LAMA5: variants seen among roughly 807,000 people sequenced by gnomAD.
LAMA5 encodes laminin subunit alpha-5.
A neutral mutation model predicts 433.4 loss-of-function variants in LAMA5; 260 were observed. The observed-to-expected ratio is 0.60, with a 90% CI of 0.54 to 0.66. LAMA5 has a LOEUF of 0.66. Among genes scored for constraint, LAMA5 ranks in the 30% least tolerant of loss-of-function variants. LAMA5 has a pLI of 0.00. For missense variants in LAMA5, 5,378 were observed against 5,258.5 expected (o/e 1.02, Z -0.70); for synonymous variants, 2,620 against 2,226.6 (o/e 1.18, Z -4.97).
Position 62,363,145 on chromosome 20 carries a change from C to A in LAMA5, c.298-593G>T, listed in dbSNP as rs564657207. Among the ~76,000 whole-genome samples the A allele has an allele frequency of 4.1e-3, 625 of 152,184 alleles. 4 individuals are homozygous for A. Among genetic ancestry groups the A allele is most frequent in the African/African-American group, 0.014 (594 of 41,534 alleles). On this transcript the variant is annotated intron_variant, in intron 1 of 79. Transcript: ENST00000252999. ...GGATCCAGGCGGCCAGACCCCCCCC[C>A]ACCTCCAGATCTTGCCCACAGCCTT...
intron 48 of LAMA5, among the ~76,000 whole-genome samples, chr20:62,321,367 T>G (rs992150222): frequency 4.9e-4 from 3 of 6,118 alleles, no homozygotes; most frequent in Non-Finnish European, 5.4e-4. Flanking sequence ...CCAGTGGGGG[T>G]GGGGTCAGTG....
In LAMA5 at chr20:62,352,356, G is replaced by A. The variant is rs624313; in HGVS notation, c.573C>T (p.Ser191=). The A allele has an allele frequency of 0.65, 1,031,232 of 1,597,574 alleles. 342,679 individuals are homozygous for A. Among genetic ancestry groups the A allele is most frequent in the East Asian group, 0.78 (34,728 of 44,784 alleles). The change falls in exon 4 of 80, where the codon TCC becomes TCT. Residue 191 remains serine (S), a synonymous_variant. Coordinates refer to ENST00000252999, the MANE Select transcript of LAMA5 (RefSeq NM_005560.6). Reference sequence around the variant, plus strand: ...CGAACCGCTCCAGACAGTCCCTCTTGGAGGCTGCGGGGAATGGCGGGAGGG... The same window carrying A: ...CGAACCGCTCCAGACAGTCCCTCTTAGAGGCTGCGGGGAATGGCGGGAGGG... The part of the protein sequence containing the change: ...TYQPWQFFAS[S]KRDCLERFGP...
chr20:62,364,899 G>A (rs1485060050), intron 1 of LAMA5, among the ~76,000 whole-genome samples: 1 of 152,276 alleles, frequency 6.6e-6, no homozygotes, highest in East Asian at 1.9e-4. Flanking sequence ...CCCCTCAGAT[G>A]GAGCTGCGGC....
chr20:62,324,389 G>A lies in LAMA5; in HGVS notation c.5643+52C>T, dbSNP rs952647578. 2.7e-6 allele frequency: 4 copies of A among 1,473,370 alleles called. No homozygotes were observed. Among genetic ancestry groups the A allele is most frequent in the Admixed American group, 1.8e-5 (1 of 54,978 alleles). The allele number at this position is 1,473,370 out of a possible 1,614,324, so 91.3% of individuals were successfully genotyped here. Reference sequence around the variant, plus strand: ...GCCCCTGGTCTTCCCTGGCACACTTGACTGTGCCTTCAGTGAATGCTGCCC... The same window carrying A: ...GCCCCTGGTCTTCCCTGGCACACTTAACTGTGCCTTCAGTGAATGCTGCCC... On this transcript the variant is annotated intron_variant, in intron 42 of 79. Coordinates refer to ENST00000252999, the MANE Select transcript of LAMA5 (RefSeq NM_005560.6). This position sits in a 1 kb window ranked among gnomAD's most constrained non-coding sequence, Gnocchi z 4.4.
intron 2 of LAMA5, among the ~76,000 whole-genome samples, chr20:62,357,480 T>C (rs942653878): frequency 2.6e-5 from 4 of 151,882 alleles, no homozygotes; most frequent in African/African-American, 9.7e-5. Flanking sequence ...TCTGGAAACG[T>C]AGATAAGCCC....
At chr20:62,317,634 G>A (rs1438756611) in intron 54 of LAMA5, 28 bp downstream of exon 54, 3 of 1,528,634 alleles carry the variant, frequency 2.0e-6, no homozygotes, top group Non-Finnish European at 2.7e-6. Flanking sequence ...TGGATGGGGT[G>A]GCGACAGGGG....
chr20:62,327,967 GAGAGCAGGTATCAC>G lies in LAMA5; in HGVS notation c.4682_4695del (p.Cys1561SerfsTer13). 6.2e-7 allele frequency: 1 copy of G among 1,612,462 alleles called. No individual in the cohort carries two copies. Among genetic ancestry groups the G allele is most frequent in the Non-Finnish European group, 8.5e-7 (1 of 1,179,900 alleles). ...CAGCGGGGGTAGCCATGGAAGCCCG[GAGAGCAGGTATCAC>G]AGCGGCGCCCAGTCACGTTGGGTCT... On this transcript the variant is annotated frameshift_variant, in exon 36 of 80. Transcript: ENST00000252999. LOFTEE classifies it high-confidence loss of function.
intron 45 of LAMA5, 122 bp from the exon 46 acceptor site, chr20:62,322,880 A>AC: frequency 1.6e-6 from 1 of 613,618 alleles, no homozygotes; most frequent in East Asian, 3.2e-5. Flanking sequence ...CGCCCGGACC[A>AC]CCCGGCTACC....
rs756910333 is a variant in LAMA5 at position 62,312,269 on chromosome 20, C to T, written c.9408G>A (p.Ala3136=). The T allele has an allele frequency of 2.5e-5, 40 of 1,611,030 alleles. No homozygotes were observed. The highest frequency in any genetic ancestry group is 3.3e-4 in the Middle Eastern group (2 of 6,078). ...CAGTGAGCGGTGCCACGTTCGAGAG[C>T]GCCAGGCGAAGGAAGCCGTGGCCAT... ...TFHGHGFLRL[A]LSNVAPLTGN... is the part of the protein sequence containing the mutation. The change falls in exon 69 of 80, where the codon GCG becomes GCA. Residue 3136 remains alanine (A), a synonymous_variant. Coordinates refer to ENST00000252999, the MANE Select transcript of LAMA5 (RefSeq NM_005560.6).
chr20:62,365,944 A>C (rs1986676102), intron 1 of LAMA5, among the ~76,000 whole-genome samples: 1 of 152,114 alleles, frequency 6.6e-6, no homozygotes, highest in African/African-American at 2.4e-5. Flanking sequence ...TCCTCCATTC[A>C]TCCCCATAAC....
intron 2 of LAMA5, among the ~76,000 whole-genome samples, chr20:62,356,919 C>G (rs192570039): frequency 6.6e-6 from 1 of 152,368 alleles, no homozygotes; most frequent in African/African-American, 2.4e-5. Context: ...AGCTGCCCCA[C>G]TCACTGGCGC....
chr20:62,325,536 C>T lies in LAMA5; in HGVS notation c.5309G>A (p.Arg1770Gln), dbSNP rs749725070. ...CACAGTGTTGCGCGTCTCCGTATGC[C>T]GGAAGTTCCCCTGTGGGTCCAGGAT... ...GQLQLVEGNF[R>Q]HTETRNTVSR... The change falls in exon 41 of 80, where the codon CGG (arginine) becomes CAG (glutamine). Residue 1770 changes from arginine to glutamine, a missense_variant. Coordinates refer to ENST00000252999, the MANE Select transcript of LAMA5 (RefSeq NM_005560.6). 50 of 1,606,338 alleles carry T rather than the reference C, an allele frequency of 3.1e-5. No homozygotes were observed. The highest frequency in any genetic ancestry group is 1.0e-4 in the Admixed American group (6 of 59,606).
rs1243334928 is a variant in LAMA5 at position 62,317,103 on chromosome 20, C to T, written c.7512-80G>A. The T allele has an allele frequency of 4.9e-6, 7 of 1,433,660 alleles. No homozygotes were observed. In the East Asian group the frequency reaches 1.2e-4, roughly 25 times the overall value. 88.8% of individuals were successfully genotyped at this position (1,433,660 alleles called of 1,614,324 possible). A position where few individuals can be genotyped will look rare whatever the true frequency, so the allele number is the denominator to read the frequency against. The stretch of plus-strand genomic sequence containing the variant: ...GCTCTCCAGCCTCCTGCGCTCACAA[C>T]CAGCCGTGCCCGTGCCTGCCCGCCA... On this transcript the variant is annotated intron_variant, in intron 55 of 79. Coordinates refer to ENST00000252999, the MANE Select transcript of LAMA5 (RefSeq NM_005560.6).
intron 2 of LAMA5, among the ~76,000 whole-genome samples, chr20:62,355,935 C>T (rs1601420020): frequency 6.6e-6 from 1 of 152,198 alleles, no homozygotes; most frequent in Non-Finnish European, 1.5e-5. Context: ...CCGACTGAGC[C>T]CCCTGGGAGC....
intron 2 of LAMA5, among the ~76,000 whole-genome samples, chr20:62,362,069 G>T (rs1299802719): frequency 6.6e-6 from 1 of 152,180 alleles, no homozygotes; most frequent in Admixed American, 6.5e-5. Context: ...GACGCAGGGG[G>T]CACCACCGCA....
chr20:62,329,922 CG>C lies in LAMA5; in HGVS notation c.3980-7del. On this transcript the variant is annotated splice_region_variant and splice_polypyrimidine_tract_variant and intron_variant, in intron 31 of 79. Transcript: ENST00000252999. Reference sequence around the variant, plus strand: ...GAAGCTGGCGTTGGCGTGGCCTGGGCGGGGGAGAAAGGCAGGGTCAGGCCCC... The same window carrying C: ...GAAGCTGGCGTTGGCGTGGCCTGGGCGGGGAGAAAGGCAGGGTCAGGCCCC... 1 of 1,610,110 alleles carries C rather than the reference CG, an allele frequency of 6.2e-7. No individual in the cohort carries two copies. Among genetic ancestry groups the C allele is most frequent in the Non-Finnish European group, 8.5e-7 (1 of 1,179,458 alleles).
chr20:62,348,989 G>A (rs1231733428), intron 6 of LAMA5, among the ~76,000 whole-genome samples: 2 of 152,140 alleles, frequency 1.3e-5, no homozygotes, highest in Non-Finnish European at 2.9e-5. Context: ...TGAACACATG[G>A]CCAGGCGCAG....
At chr20:62,351,355 T>A in intron 6 of LAMA5, 1 of 425,800 alleles carries the variant, frequency 2.3e-6, no homozygotes, top group Non-Finnish European at 4.3e-6. Context: ...GGATCAATCA[T>A]CCCCATTGCT....
Position 62,316,918 on chromosome 20 carries a change from A to G in LAMA5, c.7617T>C (p.Ala2539=). 4 of 1,548,214 alleles carry G rather than the reference A, an allele frequency of 2.6e-6. No individual in the cohort carries two copies. Among genetic ancestry groups the G allele is most frequent in the Non-Finnish European group, 3.5e-6 (4 of 1,144,958 alleles). ...GGTCCGCCTGCTGCAGGGCCTGGCC[A>G]GCAGCATCCTCGGCAGCCTGCACGG... The part of the protein sequence containing the change: ...LQAVQAAEDA[A]GQALQQADHT... Residue 2539 remains alanine (A), a synonymous_variant, in exon 56 of 80, where the codon GCT becomes GCC. Transcript: ENST00000252999.
Sources: allele counts gnomAD v4.1 joint callset (sites outside exome capture counted in the v4.1 genomes callset), GRCh38; gene constraint gnomAD v4.1.1; non-coding constraint Gnocchi (gnomAD v3.1); transcripts MANE v1.5; gene names NCBI Gene and HGNC (gene_info 2026-07-23, HGNC 2026-07-21).